Variants in ANK3 observed in about 807,000 individuals in gnomAD.
The protein encoded by ANK3 is ankyrin-3.
Under a neutral mutation model 370.9 loss-of-function variants are expected in ANK3, and 57 were observed. The ratio of observed to expected loss-of-function variants is 0.15; its 90% CI spans 0.12 to 0.19. The LOEUF is 0.19. Among genes scored for constraint, ANK3 ranks in the 10% least tolerant of loss-of-function variants. The pLI, the probability that ANK3 is intolerant of heterozygous loss-of-function variation, is 1.00. For synonymous variants in ANK3, 1,929 were observed against 1,946.3 expected (o/e 0.99, Z 0.23); for missense variants, 4,439 against 5,302.1 (o/e 0.84, Z 5.06).
chr10:60,576,754 CTGT>C (rs997387366), intron 2 of ANK3, among the ~76,000 whole-genome samples: 2 of 152,162 alleles, frequency 1.3e-5, no homozygotes, highest in Middle Eastern at 3.2e-3. Flanking sequence ...GGCAAATAAG[CTGT>C]TCTTTCTGAA....
At chr10:60,251,758 G>A (rs1367682533) in intron 7 of ANK3, among the ~76,000 whole-genome samples, 1 of 152,116 alleles carries the variant, frequency 6.6e-6, no homozygotes, top group African/African-American at 2.4e-5. Flanking sequence ...CCCTTCATAT[G>A]TGTCATAATT....
intron 1 of ANK3, among the ~76,000 whole-genome samples, chr10:60,677,682 T>C (rs931216694): frequency 3.3e-5 from 5 of 151,864 alleles, no homozygotes; most frequent in African/African-American, 9.7e-5. Flanking sequence ...GGCTTTTTCA[T>C]TGAAGCATTA....
intron 16 of ANK3, among the ~76,000 whole-genome samples, chr10:60,187,643 TTTTA>T (rs2096378630): frequency 6.6e-6 from 1 of 152,166 alleles, no homozygotes; most frequent in Non-Finnish European, 1.5e-5. Context: ...CCATTCATTC[TTTTA>T]TTTAAAAAAA....
chr10:60,278,843 A>T lies in ANK3; in HGVS notation c.345T>A (p.Ser115=). 1 of 1,613,944 alleles carries T rather than the reference A, an allele frequency of 6.2e-7. No homozygotes were observed. Among genetic ancestry groups the T allele is most frequent in the Non-Finnish European group, 8.5e-7 (1 of 1,179,920 alleles). The change falls in exon 4 of 44, where the codon TCT becomes TCA. Residue 115 remains serine (S), a synonymous_variant. Coordinates refer to ENST00000280772, the MANE Select transcript of ANK3 (RefSeq NM_020987.5). ...TTACCACCTCTGCTTGCCCAGCCAA[A>T]GATGCGATGTGCAATGCTGTGTTTC... ...KKGNTALHIA[S]LAGQAEVVKV...
chr10:60,067,850 T>C (rs1198101308), intron 38 of ANK3, 85 bp downstream of exon 38: 3 of 1,116,140 alleles, frequency 2.7e-6, no homozygotes, highest in Non-Finnish European at 3.8e-6. Flanking sequence ...GTTTCTATTT[T>C]TAAAATATAT....
At chr10:60,583,164 A>G (rs1281995575) in intron 2 of ANK3, among the ~76,000 whole-genome samples, 4 of 152,194 alleles carry the variant, frequency 2.6e-5, no homozygotes, top group Admixed American at 2.6e-4. Context: ...ACAATGGAAT[A>G]CTATTCAACC....
At chr10:60,446,135 A>T (rs1165412411) in intron 2 of ANK3, among the ~76,000 whole-genome samples, 1 of 152,182 alleles carries the variant, frequency 6.6e-6, no homozygotes, top group Non-Finnish European at 1.5e-5. Flanking sequence ...GATGATGGCT[A>T]GCCATTTAGA....
At chr10:60,393,776 C>T (rs2063160201), upstream of ANK3, among the ~76,000 whole-genome samples, 1 of 152,072 alleles carries the variant, frequency 6.6e-6, no homozygotes, top group Non-Finnish European at 1.5e-5. Flanking sequence ...GACACACAAA[C>T]TAATAACAAC....
rs557396906 is a variant in ANK3 at position 60,072,760 on chromosome 10, T to G, written c.8121A>C (p.Gly2707=). 6.2e-7 allele frequency: 1 copy of G among 1,614,156 alleles called. No individual in the cohort carries two copies. Among genetic ancestry groups the G allele is most frequent in the South Asian group, 1.1e-5 (1 of 91,078 alleles). The change falls in exon 37 of 44, where the codon GGA becomes GGC. Residue 2707 remains glycine, a synonymous_variant. Coordinates refer to ENST00000280772, the MANE Select transcript of ANK3 (RefSeq NM_020987.5). ...TGAGTTTAGATTGTTTGAGCTGGAA[T>G]CCAGACTGGGGCCCATCTGGTGCTT... ...QSKAPDGPQS[G]FQLKQSKLSS...
intron 2 of ANK3, among the ~76,000 whole-genome samples, chr10:60,522,346 C>CT (rs11425050): frequency 0.69 from 99,365 of 144,568 alleles, 34,213 homozygotes; most frequent in South Asian, 0.88. Context: ...CATATTGAGA[C>CT]TTTTTTTTTT....
intron 1 of ANK3, among the ~76,000 whole-genome samples, chr10:60,369,829 C>G (rs2059872244): frequency 6.6e-6 from 1 of 152,110 alleles, no homozygotes; most frequent in Non-Finnish European, 1.5e-5. Context: ...GAACTATTAA[C>G]TGCCTATACT....
chr10:60,306,179 A>G (rs939689074), intron 1 of ANK3, among the ~76,000 whole-genome samples: 2 of 151,792 alleles, frequency 1.3e-5, no homozygotes, highest in African/African-American at 4.8e-5. Flanking sequence ...AGTGTACCCA[A>G]TTTGTAGTCT....
At chr10:60,320,169 G>A (rs2048322297) in intron 1 of ANK3, among the ~76,000 whole-genome samples, 1 of 152,172 alleles carries the variant, frequency 6.6e-6, no homozygotes, top group African/African-American at 2.4e-5. Flanking sequence ...GAGTAACTTG[G>A]AACCATTTGC....
chr10:60,649,447 A>G (rs2078758064), intron 1 of ANK3, among the ~76,000 whole-genome samples: 1 of 152,212 alleles, frequency 6.6e-6, no homozygotes, highest in South Asian at 2.1e-4. Context: ...AACATCCTAG[A>G]TAAGTATCTT....
chr10:60,082,718 T>C lies in ANK3; in HGVS notation c.4220A>G (p.Glu1407Gly). 7 of 1,613,796 alleles carry C rather than the reference T, an allele frequency of 4.3e-6. No individual in the cohort carries two copies. Among genetic ancestry groups the C allele is most frequent in the Non-Finnish European group, 5.9e-6 (7 of 1,179,904 alleles). Residue 1407 changes from glutamate to glycine, a missense_variant, in exon 34 of 44, where the codon GAG becomes GGG. Around this residue, in one of 13 missense-constraint regions of ANK3, gnomAD observed 702 missense variants for 941.5 expected, o/e 0.75. Coordinates refer to ENST00000280772, the MANE Select transcript of ANK3 (RefSeq NM_020987.5). ...CAGAAAAGACAGACGACCACAGGGC[T>C]CTTGGCTGGTGTCTCTAATCTAGAA... The part of the protein sequence containing the change: ...FSIKIRDTSQ[E>G]PCGRLSFLKE...
chr10:60,240,306 A>ATATTTTTTTTTT (rs11282162), intron 7 of ANK3, among the ~76,000 whole-genome samples: 2 of 119,772 alleles, frequency 1.7e-5, no homozygotes, highest in Non-Finnish European at 3.4e-5. Flanking sequence ...ATATATATAT[A>ATATTTTTTTTTT]TTTTTTTTTC....
chr10:60,327,719 TA>T (rs1355407151), intron 1 of ANK3, among the ~76,000 whole-genome samples: 3 of 152,164 alleles, frequency 2.0e-5, no homozygotes, highest in African/African-American at 7.2e-5. Context: ...GGATAAAACC[TA>T]AAAGATGCCC....
rs377575790 is a variant in ANK3, at chr10:60,665,917, T to A, written c.58-50693A>T. 3.3e-4 allele frequency among the ~76,000 whole-genome samples: 50 copies of A among 152,274 alleles called. 2 individuals carry two copies. The South Asian group carries it at 0.01, about 32-fold the overall frequency. ...GGAAATAAACACAAATTAACAAGTG[T>A]TGGTAAAGATGTGGAGAAATTAGAA... On this transcript the variant is annotated intron_variant, in intron 1 of 43. Transcript: ENST00000373827.
At chr10:60,669,580 A>T (rs2079041118) in intron 1 of ANK3, among the ~76,000 whole-genome samples, 2 of 152,074 alleles carry the variant, frequency 1.3e-5, no homozygotes, top group Admixed American at 1.3e-4. Context: ...GATCTGATGG[A>T]TGCCTTTCTG....
Sources: allele counts gnomAD v4.1 joint callset (sites outside exome capture counted in the v4.1 genomes callset), GRCh38; gene constraint gnomAD v4.1.1; regional missense constraint gnomAD v4.1.1; transcripts MANE v1.5; gene names NCBI Gene and HGNC (gene_info 2026-07-23, HGNC 2026-07-21).